DHRSX: variants seen among roughly 807,000 people sequenced by gnomAD.
DHRSX encodes the protein polyprenol dehydrogenase.
In DHRSX, 31 loss-of-function variants were observed where a neutral mutation model predicts 34.0. That is an observed-to-expected ratio of 0.91 (90% confidence interval 0.69 to 1.23). DHRSX has a LOEUF of 1.23. Among genes scored for constraint, DHRSX ranks in the 50% most tolerant of loss-of-function variants. The pLI, the probability that DHRSX is intolerant of heterozygous loss-of-function variation, is 0.00. For synonymous variants in DHRSX, 201 were observed against 183.8 expected, an observed-to-expected ratio of 1.09 and a Z score of -0.76; for missense variants, 414 against 428.1, an observed-to-expected ratio of 0.97 and a Z score of 0.29.
chrX:2,382,519 CCAT>C (rs1213452455), intron 3 of DHRSX, among the ~76,000 whole-genome samples: 2 of 96,294 alleles, frequency 2.1e-5, no homozygotes, highest in African/African-American at 8.0e-5. Context: ...ACCATCACCA[CCAT>C]CATCACTACC....
At chrX:2,282,762 G>T (rs1388787964) in intron 4 of DHRSX, among the ~76,000 whole-genome samples, 9 of 97,962 alleles carry the variant, frequency 9.2e-5, no homozygotes, top group African/African-American at 3.1e-4. Flanking sequence ...GAGAAGAGGG[G>T]AGAAAGCGAG....
chrX:2,455,720 G>A (rs1250018880), intron 1 of DHRSX, among the ~76,000 whole-genome samples: 6 of 103,066 alleles, frequency 5.8e-5, no homozygotes, highest in Non-Finnish European at 9.1e-5. Flanking sequence ...CAGCCTTGGC[G>A]ACAAGAACAA....
At chrX:2,271,609 G>A (rs1369441791) in intron 4 of DHRSX, among the ~76,000 whole-genome samples, 1 of 152,126 alleles carries the variant, frequency 6.6e-6, no homozygotes, top group African/African-American at 2.4e-5. Flanking sequence ...AACTGGGAGG[G>A]ATCCAATATC....
chrX:2,224,984 A>C (rs1194069867), intron 6 of DHRSX, among the ~76,000 whole-genome samples: 4 of 151,208 alleles, frequency 2.6e-5, no homozygotes, highest in Non-Finnish European at 5.9e-5. Flanking sequence ...ATGCACACTA[A>C]TTCACATGCA....
chrX:2,437,777 A>T (rs2044013069), intron 1 of DHRSX, among the ~76,000 whole-genome samples: 1 of 151,738 alleles, frequency 6.6e-6, no homozygotes, highest in African/African-American at 2.4e-5. Context: ...GATGACCAGC[A>T]GCCAAAAACC....
chrX:2,463,231 G>T (rs1230754223), intron 1 of DHRSX, among the ~76,000 whole-genome samples: 1 of 152,144 alleles, frequency 6.6e-6, no homozygotes, highest in Non-Finnish European at 1.5e-5. Context: ...CAGGAGAATC[G>T]CTTGAACATG....
At chrX:2,328,588 G>A (rs758115795) in intron 3 of DHRSX, among the ~76,000 whole-genome samples, 1 of 152,072 alleles carries the variant, frequency 6.6e-6, no homozygotes, top group African/African-American at 2.4e-5. Flanking sequence ...CACACACAGA[G>A]GGGCGACCCT....
chrX:2,283,401 G>C (rs2041756219), intron 4 of DHRSX, among the ~76,000 whole-genome samples: 1 of 152,106 alleles, frequency 6.6e-6, no homozygotes, highest in Admixed American at 6.5e-5. Flanking sequence ...GCAAACAGAA[G>C]GCACGCAGAA....
intron 1 of DHRSX, among the ~76,000 whole-genome samples, chrX:2,442,394 G>A (rs2044074256): frequency 6.6e-6 from 1 of 150,726 alleles, no homozygotes; most frequent in Non-Finnish European, 1.5e-5. Context: ...AAGGTCAACT[G>A]TATATATTAT....
chrX:2,311,117 G>C (rs1316056954), intron 3 of DHRSX, among the ~76,000 whole-genome samples: 1 of 151,476 alleles, frequency 6.6e-6, no homozygotes, highest in Non-Finnish European at 1.5e-5. Context: ...GAGAGACAGA[G>C]AGAATAAGCG....
At chrX:2,495,766 G>C (rs2045268410) in intron 1 of DHRSX, among the ~76,000 whole-genome samples, 1 of 152,038 alleles carries the variant, frequency 6.6e-6, no homozygotes, top group Admixed American at 6.6e-5. Context: ...AGCATCCCCA[G>C]TGCGGGGGGA....
At chrX:2,229,968 C>A (rs1224887789) in intron 6 of DHRSX, among the ~76,000 whole-genome samples, 3 of 151,996 alleles carry the variant, frequency 2.0e-5, no homozygotes, top group Non-Finnish European at 2.9e-5. Context: ...TAGGAATATA[C>A]ATTTGCATAA....
intron 1 of DHRSX, among the ~76,000 whole-genome samples, chrX:2,465,107 A>C (rs779445647): frequency 5.8e-4 from 88 of 151,602 alleles, no homozygotes; most frequent in African/African-American, 2.0e-3. Context: ...CATGCGGCCC[A>C]GGGACAGCCA....
At chrX:2,358,689 T>C (rs2042888562) in intron 3 of DHRSX, among the ~76,000 whole-genome samples, 1 of 152,108 alleles carries the variant, frequency 6.6e-6, no homozygotes, top group Non-Finnish European at 1.5e-5. Context: ...ACGAGGAAAA[T>C]GAGGCTTAGA....
At chrX:2,251,867 G>T (rs1312557232) in intron 5 of DHRSX, among the ~76,000 whole-genome samples, 1 of 152,014 alleles carries the variant, frequency 6.6e-6, no homozygotes, top group East Asian at 1.9e-4. Context: ...GCAAAATAAT[G>T]AACAATCAAA....
chrX:2,348,313 T>C (rs781373030), intron 3 of DHRSX, among the ~76,000 whole-genome samples: 2 of 152,228 alleles, frequency 1.3e-5, no homozygotes, highest in East Asian at 1.9e-4. Context: ...AGATTAAACA[T>C]AGAAGCAAAG....
At chrX:2,379,194 T>G (rs2043176310) in intron 3 of DHRSX, among the ~76,000 whole-genome samples, 1 of 152,044 alleles carries the variant, frequency 6.6e-6, no homozygotes, top group Admixed American at 6.6e-5. Context: ...CAGAGTCCCC[T>G]GTAAATGAAT....
At chrX:2,325,989 G>A (rs1189969151) in intron 3 of DHRSX, among the ~76,000 whole-genome samples, 1 of 152,172 alleles carries the variant, frequency 6.6e-6, no homozygotes, top group Non-Finnish European at 1.5e-5. Flanking sequence ...TAGAGAGCTT[G>A]CGCATTTTAA....
chrX:2,489,469 G>A (rs914619202), intron 1 of DHRSX: 2 of 1,613,742 alleles, frequency 1.2e-6, no homozygotes, highest in African/African-American at 2.7e-5. Context: ...TGCTGATGGT[G>A]GGGTACCTGG....
Sources: gnomAD v4.1 joint callset for allele counts (sites outside exome capture counted in the v4.1 genomes callset) on GRCh38, gnomAD v4.1.1 for gene constraint, MANE v1.5 for transcripts, NCBI Gene and HGNC (gene_info 2026-07-23, HGNC 2026-07-21) for gene names.